The following LPP variants were observed in gnomAD, a reference collection of about 807,000 sequenced individuals.
LPP encodes LIM domain containing preferred translocation partner in lipoma.
Under a neutral mutation model 60.4 loss-of-function variants are expected in LPP, and 38 were observed. The ratio of observed to expected loss-of-function variants is 0.63; its 90% confidence interval spans 0.49 to 0.83. The LOEUF (loss-of-function observed/expected upper bound fraction) is 0.83, where lower values mean the gene tolerates loss of function less well. LPP is among the 40% of genes least tolerant of loss of function. The pLI is 0.00. For synonymous variants in LPP, 328 were observed against 290.8 expected (o/e 1.13, Z -1.30); for missense variants, 902 against 783.6 (o/e 1.15, Z -1.80).
At chr3:188,834,731 G>A (rs890267163) in intron 9 of LPP, among the ~76,000 whole-genome samples, 1 of 152,120 alleles carries the variant, frequency 6.6e-6, no homozygotes, top group Non-Finnish European at 1.5e-5. Context: ...ATGAATTAAT[G>A]TTCTTAGGTT....
At chr3:188,765,993 C>T (rs1350940563) in intron 9 of LPP, among the ~76,000 whole-genome samples, 1 of 150,624 alleles carries the variant, frequency 6.6e-6, no homozygotes, top group Non-Finnish European at 1.5e-5. Flanking sequence ...GCCTTAGCCT[C>T]CTGAGTAGCT....
intron 7 of LPP, among the ~76,000 whole-genome samples, chr3:188,675,637 T>C (rs1261934452): frequency 6.6e-6 from 1 of 152,232 alleles, no homozygotes; most frequent in Non-Finnish European, 1.5e-5. Context: ...ACAAGTCATG[T>C]AACCGTTCAG....
At chr3:188,359,552 A>G (rs1768652768) in intron 3 of LPP, among the ~76,000 whole-genome samples, 1 of 152,174 alleles carries the variant, frequency 6.6e-6, no homozygotes, top group Non-Finnish European at 1.5e-5. Flanking sequence ...AGTGGACTGT[A>G]AAGAGTGCTT....
intron 7 of LPP, among the ~76,000 whole-genome samples, chr3:188,645,371 T>C (rs1850920684): frequency 6.6e-6 from 1 of 152,160 alleles, no homozygotes; most frequent in African/African-American, 2.4e-5. Flanking sequence ...CACAAATCTC[T>C]TCAGTCGTCT....
chr3:188,185,333 T>G (rs1726276275), intron 1 of LPP, among the ~76,000 whole-genome samples: 2 of 152,114 alleles, frequency 1.3e-5, no homozygotes, highest in Admixed American at 6.6e-5. Flanking sequence ...GAATATCCAC[T>G]GAGTCCAGTA....
At chr3:188,379,454 T>C in intron 3 of LPP, among the ~76,000 whole-genome samples, 1 of 152,158 alleles carries the variant, frequency 6.6e-6, no homozygotes. Flanking sequence ...AATATATTCA[T>C]AGAGTTACAC....
At chr3:188,791,289 C>T (rs1358845035) in intron 9 of LPP, among the ~76,000 whole-genome samples, 2 of 152,174 alleles carry the variant, frequency 1.3e-5, no homozygotes, top group Non-Finnish European at 2.9e-5. Flanking sequence ...TGCTAAATAG[C>T]TTCCTAAAGG....
At chr3:188,541,333 A>T (rs1446226859) in intron 6 of LPP, among the ~76,000 whole-genome samples, 1 of 152,116 alleles carries the variant, frequency 6.6e-6, no homozygotes, top group Non-Finnish European at 1.5e-5. Context: ...TGTGGACCAC[A>T]CTTTGTGAAC....
intron 3 of LPP, among the ~76,000 whole-genome samples, chr3:188,405,131 T>C (rs1290882282): frequency 1.3e-5 from 2 of 152,216 alleles, no homozygotes; most frequent in Non-Finnish European, 2.9e-5. Context: ...GGCTGACCTT[T>C]GCATTACATG....
In LPP at chr3:188,185,426, C is replaced by T. The variant is rs142218033; in HGVS notation, c.-190+31174C>T. Reference sequence around the variant, plus strand: ...AACTCTGTTTTCCCCCTATATACCCCACAGTTTATAGAGTGGATAACTCTC... The same window carrying T: ...AACTCTGTTTTCCCCCTATATACCCTACAGTTTATAGAGTGGATAACTCTC... On this transcript the variant is annotated intron_variant, in intron 1 of 11. Transcript: ENST00000617246. Among the ~76,000 whole-genome samples, 13 of 151,414 alleles carry T rather than the reference C, an allele frequency of 8.6e-5. 1 individual carries two copies. The highest frequency in any genetic ancestry group is 2.9e-4 in the African/African-American group (12 of 41,376).
chr3:188,559,327 G>A (rs945670973), intron 6 of LPP, among the ~76,000 whole-genome samples: 7 of 151,896 alleles, frequency 4.6e-5, no homozygotes, highest in Non-Finnish European at 4.4e-5. Flanking sequence ...TGAAAATTGG[G>A]TCCTAAATGT....
intron 6 of LPP, among the ~76,000 whole-genome samples, chr3:188,531,213 T>C (rs560128622): frequency 6.6e-6 from 1 of 152,326 alleles, no homozygotes; most frequent in East Asian, 1.9e-4. Context: ...TAGACTAGTG[T>C]GATACTGTGA....
At chr3:188,543,208 T>C (rs1283545341) in intron 6 of LPP, among the ~76,000 whole-genome samples, 1 of 152,098 alleles carries the variant, frequency 6.6e-6, no homozygotes, top group South Asian at 2.1e-4. Flanking sequence ...TGTTGGTGGA[T>C]TGGGGGATTG....
At chr3:188,187,513 G>A (rs1726952381) in intron 1 of LPP, among the ~76,000 whole-genome samples, 1 of 151,708 alleles carries the variant, frequency 6.6e-6, no homozygotes, top group African/African-American at 2.4e-5. Flanking sequence ...GCTGTATTTT[G>A]TTTTTGTTGA....
At chr3:188,237,472 T>G (rs1282469065) in intron 2 of LPP, among the ~76,000 whole-genome samples, 1 of 152,256 alleles carries the variant, frequency 6.6e-6, no homozygotes, top group African/African-American at 2.4e-5. Context: ...AATCATTATC[T>G]ATGGCAGCTA....
intron 2 of LPP, among the ~76,000 whole-genome samples, chr3:188,308,916 G>A (rs1390494511): frequency 2.7e-5 from 2 of 73,810 alleles, no homozygotes; most frequent in East Asian, 1.2e-3. Flanking sequence ...CTTCTTCTTC[G>A]TCTTCTTCTT....
At chr3:188,783,401 G>T (rs1417273830) in intron 9 of LPP, among the ~76,000 whole-genome samples, 1 of 152,184 alleles carries the variant, frequency 6.6e-6, no homozygotes, top group Non-Finnish European at 1.5e-5. Flanking sequence ...CATGTATTTT[G>T]CAGGAACATG....
intron 7 of LPP, among the ~76,000 whole-genome samples, chr3:188,624,258 C>T (rs749119489): frequency 2.6e-5 from 4 of 152,058 alleles, no homozygotes; most frequent in Admixed American, 6.6e-5. Flanking sequence ...ATTATATCAC[C>T]GTTGAAGAGC....
chr3:188,432,614 G>A (rs1473159823), intron 4 of LPP, among the ~76,000 whole-genome samples: 2 of 151,938 alleles, frequency 1.3e-5, no homozygotes, highest in South Asian at 2.1e-4. Context: ...TTGTGTTGGG[G>A]AGGAGGATAG....
Sources: allele counts gnomAD v4.1 joint callset (sites outside exome capture counted in the v4.1 genomes callset), GRCh38; gene constraint gnomAD v4.1.1; transcripts MANE v1.5; gene names NCBI Gene and HGNC (gene_info 2026-07-23, HGNC 2026-07-21).